MARCHF1: variants seen among roughly 807,000 people sequenced by gnomAD.
MARCHF1 encodes membrane associated ring-CH-type finger 1, also known as E3 ubiquitin-protein ligase MARCHF1.
A neutral mutation model predicts 54.2 loss-of-function variants in MARCHF1; 40 were observed. That is an observed-to-expected ratio of 0.74 (90% confidence interval 0.57 to 0.96). The LOEUF is 0.96. MARCHF1 is among the 40% of genes least tolerant of loss of function. MARCHF1 has a pLI of 0.00. For synonymous variants in MARCHF1, 236 were observed against 236.3 expected (o/e 1.00, Z 0.01); for missense variants, 586 against 656.5 (o/e 0.89, Z 1.17).
intron 1 of MARCHF1, among the ~76,000 whole-genome samples, chr4:164,346,672 CCAT>C (rs1467710070): frequency 0.011 from 801 of 75,430 alleles, 21 homozygotes; most frequent in Middle Eastern, 0.073. Context: ...ATATATATGT[CCAT>C]ATGCTTTTAT....
chr4:164,117,188 G>A (rs1359769169), intron 1 of MARCHF1, among the ~76,000 whole-genome samples: 1 of 151,998 alleles, frequency 6.6e-6, no homozygotes, highest in Non-Finnish European at 1.5e-5. Context: ...AAGCTGGATG[G>A]CAGAGGTTGC....
rs187757473 is a variant in MARCHF1 at position 163,972,784 on chromosome 4, C to T, written c.-39+15717G>A. Among the ~76,000 whole-genome samples the T allele has an allele frequency of 4.6e-4, 69 of 151,326 alleles. No individual in the cohort carries two copies. In the East Asian group the frequency reaches 8.0e-3, roughly 18 times the overall value. The stretch of plus-strand genomic sequence containing the variant: ...GTGTTAGCCAGGATAGTCTCCATCT[C>T]CTGACCTCGTGATCCACCTGCCTCG... On this transcript the variant is annotated intron_variant, in intron 3 of 9. Transcript: ENST00000514618.
At chr4:164,292,266 C>T (rs139978602) in intron 1 of MARCHF1, among the ~76,000 whole-genome samples, 27 of 152,076 alleles carry the variant, frequency 1.8e-4, no homozygotes, top group African/African-American at 6.5e-4. Context: ...ATTGCTAAAA[C>T]GTTTCTCATA....
chr4:163,996,816 A>C (rs1014547301), intron 2 of MARCHF1, among the ~76,000 whole-genome samples: 1 of 152,012 alleles, frequency 6.6e-6, no homozygotes, highest in Non-Finnish European at 1.5e-5. Flanking sequence ...CCATGTGAAG[A>C]CTGGAGTTAC....
chr4:163,583,526 T>A (rs1433319673), intron 8 of MARCHF1: 3 of 152,144 alleles, frequency 2.0e-5, no homozygotes. Context: ...GTATTCAATT[T>A]ATTCAAATTA....
intron 1 of MARCHF1, among the ~76,000 whole-genome samples, chr4:164,261,580 C>A (rs1169814808): frequency 6.6e-6 from 1 of 152,092 alleles, no homozygotes; most frequent in Admixed American, 6.6e-5. Flanking sequence ...CCTCTTGTAC[C>A]ATGCTCCTCC....
At chr4:164,103,997 A>T (rs1263899616) in intron 2 of MARCHF1, among the ~76,000 whole-genome samples, 274 of 123,880 alleles carry the variant, frequency 2.2e-3, no homozygotes, top group Admixed American at 3.3e-3. Flanking sequence ...CTCTACGCAA[A>T]TAAACTAGAA....
At chr4:163,933,105 G>T (rs1218264922) in intron 3 of MARCHF1, 25 of 1,271,396 alleles carry the variant, frequency 2.0e-5, no homozygotes, top group Non-Finnish European at 2.8e-5. Flanking sequence ...AACGGCTTTT[G>T]ATGAGGCCAT....
chr4:163,582,704 T>C (rs1740269660), intron 8 of MARCHF1, among the ~76,000 whole-genome samples: 1 of 152,186 alleles, frequency 6.6e-6, no homozygotes, highest in Admixed American at 6.5e-5. Flanking sequence ...ATTAATTGGA[T>C]GTACTTCAAA....
chr4:164,078,893 C>T (rs565431904), intron 2 of MARCHF1, among the ~76,000 whole-genome samples: 1 of 151,974 alleles, frequency 6.6e-6, no homozygotes, highest in Admixed American at 6.6e-5. Flanking sequence ...ACGTTGTGCA[C>T]ATGTACCCTA....
chr4:163,925,649 C>T (rs367894933), intron 3 of MARCHF1, among the ~76,000 whole-genome samples: 8 of 151,488 alleles, frequency 5.3e-5, no homozygotes, highest in South Asian at 2.1e-4. Context: ...AATTTTGGTA[C>T]GAAAATAGAA....
At chr4:163,961,572 C>T (rs773115640) in intron 3 of MARCHF1, among the ~76,000 whole-genome samples, 4 of 151,804 alleles carry the variant, frequency 2.6e-5, no homozygotes, top group South Asian at 4.1e-4. Flanking sequence ...CCCTTCTCCA[C>T]GAGTCTCTTG....
At chr4:164,300,817 A>T (rs1263270553) in intron 1 of MARCHF1, among the ~76,000 whole-genome samples, 1 of 152,204 alleles carries the variant, frequency 6.6e-6, no homozygotes, top group Non-Finnish European at 1.5e-5. Context: ...TACTAGTTTG[A>T]AGGCAACAAG....
chr4:164,162,714 TAA>T (rs1449400708), intron 1 of MARCHF1, among the ~76,000 whole-genome samples: 1 of 152,008 alleles, frequency 6.6e-6, no homozygotes, highest in Non-Finnish European at 1.5e-5. Flanking sequence ...GGGAAAAATT[TAA>T]AGAGAGAATG....
chr4:163,773,514 C>A (rs1747217579), intron 4 of MARCHF1, among the ~76,000 whole-genome samples: 1 of 152,138 alleles, frequency 6.6e-6, no homozygotes, highest in Non-Finnish European at 1.5e-5. Context: ...AAGGCAAATG[C>A]TGTGGTTACC....
chr4:164,285,332 C>T (rs1734115996), intron 1 of MARCHF1, among the ~76,000 whole-genome samples: 1 of 152,080 alleles, frequency 6.6e-6, no homozygotes, highest in Non-Finnish European at 1.5e-5. Flanking sequence ...GGGTTCAAGG[C>T]TGCAGTGCAT....
chr4:164,277,526 C>T (rs544749371), intron 1 of MARCHF1, among the ~76,000 whole-genome samples: 2 of 152,328 alleles, frequency 1.3e-5, no homozygotes, highest in African/African-American at 4.8e-5. Flanking sequence ...TTGCATCACA[C>T]CTCAGAGATT....
intron 9 of MARCHF1, among the ~76,000 whole-genome samples, chr4:163,544,357 C>T (rs1365949446): frequency 2.6e-5 from 4 of 152,040 alleles, no homozygotes; most frequent in African/African-American, 9.7e-5. Flanking sequence ...ACCCACAAAA[C>T]CCCATCCTAA....
At chr4:163,582,071 C>T (rs77759305) in intron 8 of MARCHF1, among the ~76,000 whole-genome samples, 4,692 of 152,210 alleles carry the variant, frequency 0.031, 227 homozygotes, top group African/African-American at 0.1. Context: ...CAGTTGGTTT[C>T]GCCCAGTCAG....
Sources: gnomAD v4.1 joint callset for allele counts (sites outside exome capture counted in the v4.1 genomes callset) on GRCh38, gnomAD v4.1.1 for gene constraint, MANE v1.5 for transcripts, NCBI Gene and HGNC (gene_info 2026-07-23, HGNC 2026-07-21) for gene names.